Variants in FARS2 observed in about 807,000 individuals in gnomAD.
FARS2 encodes phenylalanine--tRNA ligase, mitochondrial.
Under a neutral mutation model 46.4 loss-of-function variants are expected in FARS2, and 40 were observed. The ratio of observed to expected loss-of-function variants is 0.86; its 90% confidence interval spans 0.67 to 1.12. The LOEUF (loss-of-function observed/expected upper bound fraction) is 1.12, where lower values mean the gene tolerates loss of function less well. Ranked by LOEUF, FARS2 falls within the 50% of genes most tolerant of loss-of-function variation. FARS2 has a pLI of 0.00. For missense variants in FARS2, 513 were observed against 567.9 expected, an observed-to-expected ratio of 0.90 and a Z score of 0.98; for synonymous variants, 234 against 214.9, an observed-to-expected ratio of 1.09 and a Z score of -0.78.
At chr6:5,399,224 G>C (rs1269109519) in intron 2 of FARS2, among the ~76,000 whole-genome samples, 1 of 149,198 alleles carries the variant, frequency 6.7e-6, no homozygotes, top group Non-Finnish European at 1.5e-5. Flanking sequence ...GCCCAGGCTA[G>C]AGTACAGTGG....
rs189703387 is a variant in FARS2, at chr6:5,747,077, C to T, written c.1218-24214C>T. 9.9e-5 allele frequency among the ~76,000 whole-genome samples: 15 copies of T among 152,244 alleles called. No homozygotes were observed. The East Asian group carries it at 2.3e-3, about 24-fold the overall frequency. On this transcript the variant is annotated intron_variant, in intron 6 of 6. Coordinates refer to ENST00000274680, the MANE Select transcript of FARS2 (RefSeq NM_006567.5). ...GGAGCAGCGGTTGCAAAGGGTATGG[C>T]GGCATCATGCCCCAAGTTTGAGGAA...
chr6:5,270,450 CA>C (rs774327135), intron 1 of FARS2, among the ~76,000 whole-genome samples: 4 of 152,192 alleles, frequency 2.6e-5, no homozygotes, highest in Non-Finnish European at 5.9e-5. Flanking sequence ...CGTTTCAGGA[CA>C]TAAGTGTGGT....
intron 1 of FARS2, among the ~76,000 whole-genome samples, chr6:5,297,432 A>G (rs1159639875): frequency 1.3e-5 from 2 of 152,166 alleles, no homozygotes; most frequent in Non-Finnish European, 2.9e-5. Flanking sequence ...TGGATCACTT[A>G]AGGTCAGGAG....
At chr6:5,549,413 T>G (rs1771241116) in intron 5 of FARS2, among the ~76,000 whole-genome samples, 1 of 152,240 alleles carries the variant, frequency 6.6e-6, no homozygotes, top group South Asian at 2.1e-4. Flanking sequence ...TTCCCACCTA[T>G]GAGTGAGAAC....
At chr6:5,546,493 G>T (rs151149790) in intron 5 of FARS2, among the ~76,000 whole-genome samples, 1 of 150,602 alleles carries the variant, frequency 6.6e-6, no homozygotes, top group Non-Finnish European at 1.5e-5. Context: ...CTTGTGATTC[G>T]CCCGCCTTGG....
At chr6:5,314,687 G>T (rs531511048) in intron 1 of FARS2, among the ~76,000 whole-genome samples, 1 of 152,234 alleles carries the variant, frequency 6.6e-6, no homozygotes, top group Admixed American at 6.5e-5. Context: ...TTGATTAAGG[G>T]GAATTCTCCT....
chr6:5,411,579 C>T (rs1408062199), intron 3 of FARS2, among the ~76,000 whole-genome samples: 1 of 152,084 alleles, frequency 6.6e-6, no homozygotes, highest in Non-Finnish European at 1.5e-5. Context: ...GGCTTTTCAC[C>T]TTTTATTATT....
At chr6:5,546,305 G>A (rs1453737103) in intron 5 of FARS2, among the ~76,000 whole-genome samples, 2 of 148,862 alleles carry the variant, frequency 1.3e-5, no homozygotes, top group Non-Finnish European at 3.0e-5. Context: ...CGCCTGGGCT[G>A]GAGTGCGCGA....
At chr6:5,555,301 C>A (rs1327671639) in intron 5 of FARS2, among the ~76,000 whole-genome samples, 7 of 152,104 alleles carry the variant, frequency 4.6e-5, no homozygotes, top group Admixed American at 4.6e-4. Context: ...TCAGGTATGT[C>A]TTCATCAGCA....
intron 6 of FARS2, among the ~76,000 whole-genome samples, chr6:5,720,593 T>A (rs1977059): frequency 1.3e-5 from 2 of 152,152 alleles, no homozygotes; most frequent in South Asian, 4.1e-4. Context: ...TTTTCTAGAT[T>A]GCCTTTACAT....
At chr6:5,566,764 G>T (rs1772346041) in intron 5 of FARS2, among the ~76,000 whole-genome samples, 1 of 152,182 alleles carries the variant, frequency 6.6e-6, no homozygotes, top group South Asian at 2.1e-4. Context: ...TAAATCCCTT[G>T]TTACTTGACT....
At chr6:5,251,238 T>A in the FARS2 span, among the ~76,000 whole-genome samples, 1 of 152,230 alleles carries the variant, frequency 6.6e-6, no homozygotes, top group Non-Finnish European at 1.5e-5. Flanking sequence ...TGTTGATTTG[T>A]CTCCAGAAGA....
chr6:5,379,249 A>C (rs1759594743), intron 2 of FARS2, among the ~76,000 whole-genome samples: 1 of 152,172 alleles, frequency 6.6e-6, no homozygotes, highest in Non-Finnish European at 1.5e-5. Context: ...CTTTCACTGA[A>C]AAAAATGACA....
At chr6:5,328,684 A>T (rs1248454888) in intron 1 of FARS2, among the ~76,000 whole-genome samples, 1 of 151,756 alleles carries the variant, frequency 6.6e-6, no homozygotes, top group Non-Finnish European at 1.5e-5. Context: ...GGTGACTCCT[A>T]CCTTAACCCT....
chr6:5,600,743 A>G (rs2150632368), intron 5 of FARS2, among the ~76,000 whole-genome samples: 1 of 152,348 alleles, frequency 6.6e-6, no homozygotes, highest in South Asian at 2.1e-4. Context: ...TAAAAGCTAA[A>G]TTAATCATTC....
At chr6:5,309,359 A>T (rs1251317246) in intron 1 of FARS2, among the ~76,000 whole-genome samples, 1 of 152,110 alleles carries the variant, frequency 6.6e-6, no homozygotes, top group Non-Finnish European at 1.5e-5. Context: ...CTTTCTTTAG[A>T]CTTGGCAGGA....
chr6:5,310,887 C>T (rs1253524497), intron 1 of FARS2, among the ~76,000 whole-genome samples: 2 of 152,138 alleles, frequency 1.3e-5, no homozygotes, highest in Admixed American at 1.3e-4. Flanking sequence ...AAAATATTGT[C>T]CTTGGTAGAG....
intron 6 of FARS2, among the ~76,000 whole-genome samples, chr6:5,683,598 T>C (rs796424553): frequency 1.2e-4 from 18 of 151,824 alleles, no homozygotes; most frequent in African/African-American, 4.1e-4. Flanking sequence ...TTTGTTTTTG[T>C]TTTTTTCTTT....
intron 6 of FARS2, among the ~76,000 whole-genome samples, chr6:5,704,714 T>C (rs1758638125): frequency 1.3e-5 from 2 of 152,158 alleles, no homozygotes; most frequent in Non-Finnish European, 2.9e-5. Flanking sequence ...TGCCTGTGGA[T>C]TGTGAATCTA....
Sources: allele counts gnomAD v4.1 joint callset (sites outside exome capture counted in the v4.1 genomes callset), GRCh38; gene constraint gnomAD v4.1.1; transcripts MANE v1.5; gene names NCBI Gene and HGNC (gene_info 2026-07-23, HGNC 2026-07-21).